The following STT3B variants were observed in gnomAD, a reference collection of about 807,000 sequenced individuals.
STT3B encodes the protein STT3 oligosaccharyltransferase complex catalytic subunit B.
Under a neutral mutation model 96.8 loss-of-function variants are expected in STT3B, and 29 were observed. That is an observed-to-expected ratio of 0.30 (90% CI 0.22 to 0.41). The LOEUF (loss-of-function observed/expected upper bound fraction) is 0.41. STT3B is among the 10% of genes least tolerant of loss of function. The probability of loss-of-function intolerance (pLI) is 1.00; values close to 1 mark genes in which losing one functional copy is unlikely to be tolerated. For missense variants in STT3B, 640 were observed against 1,022.3 expected (o/e 0.63, Z 5.10); for synonymous variants, 367 against 360.0 (o/e 1.02, Z -0.22).
chr3:31,598,696 G>A (rs1698849829), intron 4 of STT3B, among the ~76,000 whole-genome samples: 1 of 152,100 alleles, frequency 6.6e-6, no homozygotes, highest in Non-Finnish European at 1.5e-5. Flanking sequence ...AGTGAAGAGA[G>A]TAGATAAGGT....
intron 3 of STT3B, among the ~76,000 whole-genome samples, chr3:31,580,409 G>T (rs1698356283): frequency 6.6e-6 from 1 of 152,092 alleles, no homozygotes; most frequent in Admixed American, 6.6e-5. Context: ...GTTGAAGCAT[G>T]GTTTGATGGC....
At chr3:31,573,165 C>T (rs553748163) in intron 1 of STT3B, among the ~76,000 whole-genome samples, 7 of 151,946 alleles carry the variant, frequency 4.6e-5, no homozygotes, top group East Asian at 1.9e-4. Flanking sequence ...AGAGGTAATA[C>T]GGTGTGAGAT....
intron 3 of STT3B, among the ~76,000 whole-genome samples, chr3:31,594,937 C>A (rs540150588): frequency 2.0e-5 from 3 of 152,312 alleles, no homozygotes; most frequent in Admixed American, 6.5e-5. Context: ...TGGATGAGTT[C>A]TTGATCACCT....
At chr3:31,556,670 T>G (rs746489475) in intron 1 of STT3B, among the ~76,000 whole-genome samples, 1 of 152,270 alleles carries the variant, frequency 6.6e-6, no homozygotes, top group Non-Finnish European at 1.5e-5. Flanking sequence ...TTTTTTCATA[T>G]GCTTCTTGGC....
chr3:31,617,002 G>T lies in STT3B; in HGVS notation c.1050G>T (p.Gln350His). ...ACCGATTAACAAAACAAGAGTTCCA[G>T]ACCCTTTTCTTTTTGGGTGTATCAC... ...LRDRLTKQEF[Q>H]TLFFLGVSLA... Residue 350 changes from glutamine (Q) to histidine (H), a missense_variant, in exon 7 of 16, where the codon CAG becomes CAT. Transcript: ENST00000295770. The T allele has an allele frequency of 6.2e-7, 1 of 1,611,936 alleles. No individual in the cohort carries two copies. Among genetic ancestry groups the T allele is most frequent in the Non-Finnish European group, 8.5e-7 (1 of 1,178,386 alleles).
intron 14 of STT3B, among the ~76,000 whole-genome samples, chr3:31,631,363 A>C (rs750657785): frequency 2.5e-4 from 38 of 152,344 alleles, no homozygotes; most frequent in Non-Finnish European, 4.6e-4. Context: ...GCTAAGAAAG[A>C]AGCACACTGG....
At chr3:31,581,822 A>AC (rs1698410657) in intron 3 of STT3B, among the ~76,000 whole-genome samples, 1 of 152,194 alleles carries the variant, frequency 6.6e-6, no homozygotes, top group Non-Finnish European at 1.5e-5. Context: ...AGCCATCAGG[A>AC]CCAGGACTTC....
rs569061480 is a variant in STT3B, at chr3:31,611,928, G to C, written c.878-3177G>C. Among the ~76,000 whole-genome samples the C allele has an allele frequency of 1.1e-3, 160 of 152,222 alleles. 1 individual carries two copies. Among genetic ancestry groups the C allele is most frequent in the African/African-American group, 3.8e-3 (157 of 41,536 alleles). Reference sequence around the variant, plus strand: ...TTTAAATTGAGATATAGCAATATATGTGTAATTTTACAAATTCAAGCAGAG... The same window carrying C: ...TTTAAATTGAGATATAGCAATATATCTGTAATTTTACAAATTCAAGCAGAG... On this transcript the variant is annotated intron_variant, in intron 5 of 15. Transcript: ENST00000295770.
chr3:31,575,070 A>G (rs1401541181), intron 1 of STT3B, among the ~76,000 whole-genome samples: 3 of 152,102 alleles, frequency 2.0e-5, no homozygotes, highest in African/African-American at 7.2e-5. Flanking sequence ...TTAACTATAG[A>G]CTTTAAGTGC....
intron 3 of STT3B, among the ~76,000 whole-genome samples, chr3:31,591,507 CCT>C (rs1222528621): frequency 2.0e-5 from 3 of 152,056 alleles, no homozygotes; most frequent in South Asian, 2.1e-4. Flanking sequence ...TTTTAATTCC[CCT>C]GATTGTTTAG....
chr3:31,536,163 A>C (rs146306653), intron 1 of STT3B, among the ~76,000 whole-genome samples: 1 of 152,248 alleles, frequency 6.6e-6, no homozygotes, highest in East Asian at 1.9e-4. Context: ...TGAAAAGGTT[A>C]AAAGGAGGGG....
At position 31,636,530 on chromosome 3, in the gene STT3B, A is replaced by G. The variant is rs1490142757; in HGVS notation, c.*466A>G. 6.6e-6 allele frequency: 1 copy of G among 152,524 alleles called. No individual in the cohort carries two copies. The highest frequency in any genetic ancestry group is 1.5e-5 in the Non-Finnish European group (1 of 68,232). The allele number at this position is 152,524 out of a possible 1,614,324, so 9.4% of individuals were successfully genotyped here. On this transcript the variant is annotated 3_prime_UTR_variant, in exon 16 of 16. Coordinates refer to ENST00000295770, the MANE Select transcript of STT3B (RefSeq NM_178862.3). ...AAACTAGTACAGGTCTGAGAAAGAC[A>G]TATTAGAAGAATCATTATACTTCCT...
intron 5 of STT3B, among the ~76,000 whole-genome samples, chr3:31,612,430 A>G (rs1163995667): frequency 6.6e-6 from 1 of 152,216 alleles, no homozygotes; most frequent in East Asian, 1.9e-4. Flanking sequence ...GGTATGAATG[A>G]GACTAATTGG....
intron 1 of STT3B, among the ~76,000 whole-genome samples, chr3:31,544,472 G>T (rs1021384126): frequency 1.3e-5 from 2 of 152,142 alleles, no homozygotes; most frequent in Non-Finnish European, 2.9e-5. Flanking sequence ...TGACAAAATG[G>T]TCAGCTCTTT....
intron 14 of STT3B, among the ~76,000 whole-genome samples, chr3:31,630,725 A>G (rs7649143): frequency 0.013 from 1,921 of 152,284 alleles, 50 homozygotes; most frequent in African/African-American, 0.042. Flanking sequence ...GATCAAGATA[A>G]CTATCAAAAC....
intron 1 of STT3B, among the ~76,000 whole-genome samples, chr3:31,554,700 A>G (rs547903866): frequency 1.3e-5 from 2 of 152,144 alleles, no homozygotes; most frequent in African/African-American, 4.8e-5. Context: ...AAATTCTGCA[A>G]AACTTTTATG....
chr3:31,577,342 A>C (rs1049117099), intron 2 of STT3B, among the ~76,000 whole-genome samples: 2 of 152,084 alleles, frequency 1.3e-5, no homozygotes. Context: ...CACACTAGCC[A>C]CTGTACTAGC....
chr3:31,557,145 C>T (rs1303579938), intron 1 of STT3B, among the ~76,000 whole-genome samples: 1 of 152,178 alleles, frequency 6.6e-6, no homozygotes, highest in African/African-American at 2.4e-5. Context: ...AGACTATGTC[C>T]TTTCCCCAGT....
chr3:31,622,790 G>A (rs1256279923), intron 10 of STT3B, among the ~76,000 whole-genome samples: 3 of 152,076 alleles, frequency 2.0e-5, no homozygotes, highest in Admixed American at 2.0e-4. Context: ...CCTCCAGTTC[G>A]TTAGCAATAG....
Sources: gnomAD v4.1 joint callset for allele counts (sites outside exome capture counted in the v4.1 genomes callset) on GRCh38, gnomAD v4.1.1 for gene constraint, MANE v1.5 for transcripts, NCBI Gene and HGNC (gene_info 2026-07-23, HGNC 2026-07-21) for gene names.